HTR6: variants seen among roughly 807,000 people sequenced by gnomAD.
HTR6 encodes the protein 5-hydroxytryptamine (serotonin) receptor 6, G protein-coupled.
Under a neutral mutation model 17.4 loss-of-function variants are expected in HTR6, and 15 were observed. That is an observed-to-expected ratio of 0.86 (90% CI 0.58 to 1.33). The LOEUF (loss-of-function observed/expected upper bound fraction) is 1.33. Among genes scored for constraint, HTR6 ranks in the 40% most tolerant of loss-of-function variants. HTR6 has a pLI of 0.00. For synonymous variants in HTR6, 326 were observed against 295.5 expected (o/e 1.10, Z -1.06); for missense variants, 578 against 616.0 (o/e 0.94, Z 0.65).
At chr1:19,670,739 C>T (rs2095087103) in intron 1 of HTR6, among the ~76,000 whole-genome samples, 1 of 152,196 alleles carries the variant, frequency 6.6e-6, no homozygotes, top group Non-Finnish European at 1.5e-5. Flanking sequence ...GCTAGGATTA[C>T]AGGCGTGAGC....
rs1398339100 is a variant in HTR6, at chr1:19,670,786, G to T, written c.714+4319G>T. 1.2e-4 allele frequency among the ~76,000 whole-genome samples: 18 copies of T among 152,192 alleles called. No individual in the cohort carries two copies. In the South Asian group the frequency reaches 3.7e-3, roughly 32 times the overall value. ...GCCTGTCTTTCTGTTTTCCCCCATGGTCCCAGGAATTAGGGGCACCTGGCA... is the reference window on the plus strand; with the variant it reads ...GCCTGTCTTTCTGTTTTCCCCCATGTTCCCAGGAATTAGGGGCACCTGGCA... On this transcript the variant is annotated intron_variant, in intron 1 of 2. Transcript: ENST00000289753.
intron 1 of HTR6, among the ~76,000 whole-genome samples, chr1:19,673,005 C>T (rs1387639813): frequency 2.6e-5 from 4 of 152,156 alleles, no homozygotes; most frequent in African/African-American, 4.8e-5. Context: ...AATAGTTGTT[C>T]GTGCCTCTCT....
At chr1:19,671,419 C>T (rs1239959988) in intron 1 of HTR6, among the ~76,000 whole-genome samples, 1 of 152,204 alleles carries the variant, frequency 6.6e-6, no homozygotes, top group Non-Finnish European at 1.5e-5. Context: ...CAAATCCACT[C>T]GGCTCCTTAA....
At chr1:19,677,342 G>A (rs1331671269) in intron 1 of HTR6, among the ~76,000 whole-genome samples, 2 of 152,106 alleles carry the variant, frequency 1.3e-5, no homozygotes, top group Non-Finnish European at 2.9e-5. Context: ...TGGGACTGTG[G>A]GGGCCAGTTT....
rs2095081250 is a variant in HTR6, at chr1:19,666,070, A to G, written c.317A>G (p.Asp106Gly). Residue 106 changes from aspartate (D) to glycine (G), a missense_variant, in exon 1 of 3, where the codon GAC (aspartate) becomes GGC (glycine). Coordinates refer to ENST00000289753, the MANE Select transcript of HTR6 (RefSeq NM_000871.3). The surrounding 1 kb of genome is among the most constrained non-coding windows in gnomAD (Gnocchi z 4.5). ...CTCTGCCTGCTCTGGACCGCCTTCG[A>G]CGTGATGTGCTGCAGCGCCTCCATC... ...RGLCLLWTAFDVMCCSASILN... is the reference protein window; with the variant it reads ...RGLCLLWTAFGVMCCSASILN... 5 of 1,613,090 alleles carry G rather than the reference A, an allele frequency of 3.1e-6. No individual in the cohort carries two copies. The highest frequency in any genetic ancestry group is 4.2e-6 in the Non-Finnish European group (5 of 1,179,824).
Position 19,679,034 on chromosome 1 carries a change from C to T in HTR6, c.989C>T (p.Ala330Val), listed in dbSNP as rs149981613. ...YPLFMRDFKR[A>V]LGRFLPCPRC... ...CTCTTCATGCGGGACTTCAAGCGGG[C>T]GCTGGGCAGGTTCCTGCCATGTCCA... Residue 330 changes from alanine to valine, a missense_variant, in exon 3 of 3, where the codon GCG (alanine) becomes GTG (valine). Physicochemically the swap from Ala to Val is moderately conservative, Grantham distance 64. Transcript: ENST00000289753. The surrounding 1 kb of genome is among the most constrained non-coding windows in gnomAD (Gnocchi z 4.9). 6.8e-5 allele frequency: 109 copies of T among 1,614,130 alleles called. No individual in the cohort carries two copies. Among genetic ancestry groups the T allele is most frequent in the Non-Finnish European group, 8.3e-5 (98 of 1,179,972 alleles).
Position 19,678,924 on chromosome 1 carries a change from G to T in HTR6, c.879G>T (p.Val293=), listed in dbSNP as rs745692829. The change falls in exon 3 of 3, where the codon GTG becomes GTT. Residue 293 remains valine, a synonymous_variant. Transcript: ENST00000289753. ...GATGCATCCCCTCCCCCCAGGCCGTGTGCGACTGCATCTCCCCAGGCCTCT... is the reference window on the plus strand; with the variant it reads ...GATGCATCCCCTCCCCCCAGGCCGTTTGCGACTGCATCTCCCCAGGCCTCT... The part of the protein sequence containing the change: ...PFFVANIVQA[V]CDCISPGLFD... 1.2e-6 allele frequency: 2 copies of T among 1,600,182 alleles called. No individual in the cohort carries two copies. Among genetic ancestry groups the T allele is most frequent in the Non-Finnish European group, 1.7e-6 (2 of 1,169,982 alleles).
At position 19,680,365 on chromosome 1, in the gene HTR6, ACT is replaced by A. The variant is rs2095100475; in HGVS notation, c.*999_*1000del. 6.6e-6 allele frequency among the ~76,000 whole-genome samples: 1 copy of A among 151,808 alleles called. No homozygotes were observed. Among genetic ancestry groups the A allele is most frequent in the Non-Finnish European group, 1.5e-5 (1 of 67,962 alleles). On this transcript the variant is annotated 3_prime_UTR_variant, in exon 3 of 3. Transcript: ENST00000289753. ...CCCAAAGCCTGACTCTGGTTCCCCA[ACT>A]CCCTGTTCTGGCTCCTGGGTGGGGA...
In HTR6 at chr1:19,679,153, C is replaced by G; in HGVS notation, c.1108C>G (p.Leu370Val). The G allele has an allele frequency of 6.2e-7, 1 of 1,603,358 alleles. No individual in the cohort carries two copies. The highest frequency in any genetic ancestry group is 2.3e-5 in the East Asian group (1 of 44,318). The change falls in exon 3 of 3, where the codon CTG (leucine) becomes GTG (valine). Residue 370 changes from leucine to valine, a missense_variant. By Grantham distance (32) the Leu-to-Val change is conservative. Transcript: ENST00000289753. This position sits in a 1 kb window ranked among gnomAD's most constrained non-coding sequence, Gnocchi z 4.9. ...GCCCGGCCTTAGCCTACAGCAGGTG[C>G]TGCCGCTGCCCCTGCCGCCGGACTC... ...PRPGLSLQQV[L>V]PLPLPPDSDS...
At chr1:19,673,406 T>C (rs1413808463) in intron 1 of HTR6, among the ~76,000 whole-genome samples, 1 of 152,168 alleles carries the variant, frequency 6.6e-6, no homozygotes, top group African/African-American at 2.4e-5. Context: ...GATCAGATGA[T>C]GGTAACAAAA....
chr1:19,672,379 A>G (rs1433926928), intron 1 of HTR6, among the ~76,000 whole-genome samples: 1 of 151,252 alleles, frequency 6.6e-6, no homozygotes, highest in Non-Finnish European at 1.5e-5. Flanking sequence ...TTAGTGATCC[A>G]TCTTCCCTTC....
chr1:19,678,795 G>A, intron 2 of HTR6, 70 bp downstream of exon 2: 1 of 1,567,092 alleles, frequency 6.4e-7, no homozygotes, highest in Non-Finnish European at 8.7e-7. Flanking sequence ...GCCCAGGCAT[G>A]GGGACAGGGG....
rs938734318 is a variant in HTR6 at position 19,679,061 on chromosome 1, G to A, written c.1016G>A (p.Arg339His). ...CTGGGCAGGTTCCTGCCATGTCCAC[G>A]CTGTCCCCGGGAGCGCCAGGCCAGC... is the stretch of plus-strand genomic sequence containing the variant. The part of the protein sequence containing the change: ...RALGRFLPCP[R>H]CPRERQASLA... Residue 339 changes from arginine (R) to histidine (H), a missense_variant, in exon 3 of 3, where the codon CGC (arginine) becomes CAC (histidine). Arg to His is a conservative substitution (Grantham distance 29). Transcript: ENST00000289753. The surrounding 1 kb of genome is among the most constrained non-coding windows in gnomAD (Gnocchi z 4.9). 40 of 1,613,944 alleles carry A rather than the reference G, an allele frequency of 2.5e-5. No homozygotes were observed. The highest frequency in any genetic ancestry group is 4.5e-5 in the East Asian group (2 of 44,884).
intron 1 of HTR6, among the ~76,000 whole-genome samples, chr1:19,672,924 C>T (rs756638939): frequency 4.6e-5 from 7 of 152,066 alleles, no homozygotes; most frequent in East Asian, 1.9e-4. Flanking sequence ...TACAGCTATT[C>T]GAAGAGGCTG....
rs146176216 is a variant in HTR6 at position 19,678,143 on chromosome 1, T to C, written c.715-424T>C. Reference sequence around the variant, plus strand: ...CGTATTGTCTTTGCAGGGATGGTTGTTCTTCTGAACCATCTGATTTGTGTT... The same window carrying C: ...CGTATTGTCTTTGCAGGGATGGTTGCTCTTCTGAACCATCTGATTTGTGTT... On this transcript the variant is annotated intron_variant, in intron 1 of 2. Transcript: ENST00000289753. 1.7e-4 allele frequency among the ~76,000 whole-genome samples: 26 copies of C among 152,332 alleles called. No individual in the cohort carries two copies. The East Asian group carries it at 3.7e-3, about 21-fold the overall frequency.
chr1:19,675,249 C>T (rs773723196), intron 1 of HTR6, among the ~76,000 whole-genome samples: 19 of 152,142 alleles, frequency 1.2e-4, no homozygotes, highest in Non-Finnish European at 2.6e-4. Flanking sequence ...GTCTCATCTG[C>T]AAAATGGGGA....
rs565763365 is a variant in HTR6, at chr1:19,666,455, G to A, written c.702G>A (p.Ser234=). Residue 234 remains serine (S), a synonymous_variant, in exon 1 of 3, where the codon TCG becomes TCA. Transcript: ENST00000289753. This position sits in a 1 kb window ranked among gnomAD's most constrained non-coding sequence, Gnocchi z 4.5. The stretch of plus-strand genomic sequence containing the variant: ...CCACCGGCATGGCCAGTCAGGCCTC[G>A]GAGACGCTGCAGGTACCTGGGGTGC... ...SLTTGMASQA[S]ETLQVPRTPR... 2.2e-5 allele frequency: 36 copies of A among 1,607,934 alleles called. 1 individual carries two copies. In the South Asian group the frequency reaches 3.5e-4, roughly 16 times the overall value.
chr1:19,671,370 G>A (rs1193907128), intron 1 of HTR6, among the ~76,000 whole-genome samples: 1 of 152,158 alleles, frequency 6.6e-6, no homozygotes. Context: ...CTCTTGGTTT[G>A]AACGTGACGT....
intron 2 of HTR6, 54 bp from the exon 3 acceptor site, chr1:19,678,865 G>T: frequency 6.4e-7 from 1 of 1,559,808 alleles, no homozygotes; most frequent in Non-Finnish European, 8.7e-7. Flanking sequence ...ATGCTGGGAA[G>T]GGTGGCCTGG....
Sources: allele counts gnomAD v4.1 joint callset (sites outside exome capture counted in the v4.1 genomes callset), GRCh38; gene constraint gnomAD v4.1.1; non-coding constraint Gnocchi (gnomAD v3.1); transcripts MANE v1.5; gene names NCBI Gene and HGNC (gene_info 2026-07-23, HGNC 2026-07-21).